Variants in RYR1 observed in about 807,000 individuals in gnomAD.
RYR1 encodes the protein central core disease of muscle.
Under a neutral mutation model 583.5 loss-of-function variants are expected in RYR1, and 342 were observed. The observed-to-expected ratio is 0.59, with a 90% confidence interval of 0.54 to 0.64. RYR1 has a LOEUF of 0.64. Among genes scored for constraint, RYR1 ranks in the 30% least tolerant of loss-of-function variants. The pLI is 0.00. For synonymous variants in RYR1, 2,791 were observed against 2,822.5 expected (o/e 0.99, Z 0.35); for missense variants, 6,032 against 6,917.2 (o/e 0.87, Z 4.54).
chr19:38,552,724 T>C (rs1226932263), intron 89 of RYR1, among the ~76,000 whole-genome samples: 1 of 152,152 alleles, frequency 6.6e-6, no homozygotes, highest in Non-Finnish European at 1.5e-5. Context: ...GTCTAATCGA[T>C]AGTCAGTGAG....
Position 38,496,278 on chromosome 19 carries a change from C to T in RYR1, c.6612C>T (p.His2204=), listed in dbSNP as rs141646642. ...HPNLMRALGM[H]ETVMEVMVNV... Reference sequence around the variant, plus strand: ...ACCTGATGAGGGCGCTGGGCATGCACGAGACGGTCATGGAGGTCATGGTCA... The same window carrying T: ...ACCTGATGAGGGCGCTGGGCATGCATGAGACGGTCATGGAGGTCATGGTCA... The change falls in exon 40 of 106, where the codon CAC becomes CAT. Residue 2204 remains histidine, a synonymous_variant. Coordinates refer to ENST00000359596, the MANE Select transcript of RYR1 (RefSeq NM_000540.3). This position sits in a 1 kb window ranked among gnomAD's most constrained non-coding sequence, Gnocchi z 4.8. 520 of 1,613,982 alleles carry T rather than the reference C, an allele frequency of 3.2e-4. 2 individuals are homozygous for T. In the African/African-American group the frequency reaches 5.4e-3, roughly 17 times the overall value.
At position 38,473,649 on chromosome 19, in the gene RYR1, C is replaced by A. The variant is rs777049924; in HGVS notation, c.4038C>A (p.Asn1346Lys). 210 of 1,556,908 alleles carry A rather than the reference C, an allele frequency of 1.3e-4. No homozygotes were observed. The highest frequency in any genetic ancestry group is 5.0e-4 in the Middle Eastern group (3 of 5,988). Residue 1346 changes from asparagine to lysine, a missense_variant, in exon 28 of 106, where the codon AAC becomes AAA. Transcript: ENST00000359596. ...RSAGGWSEAE[N>K]GKEGTAKEGA... ...CTGGGGGCTGGAGCGAGGCAGAGAA[C>A]GGCAAAGAAGGGACTGCGAAGGAGG...
chr19:38,504,475 A>C, intron 50 of RYR1, 115 bp downstream of exon 50: 4 of 1,362,468 alleles, frequency 2.9e-6, no homozygotes, highest in Non-Finnish European at 4.0e-6. Flanking sequence ...AAGGTTCTGC[A>C]AGTTTGGATC....
Position 38,444,922 on chromosome 19 carries a change from G to C in RYR1, c.631+245G>C, listed in dbSNP as rs1380039001. On this transcript the variant is annotated intron_variant, in intron 7 of 105. Transcript: ENST00000359596. The surrounding 1 kb of genome is among the most constrained non-coding windows in gnomAD (Gnocchi z 5.1). ...AGACCCCAAAGTATTAGCCCCCAAG[G>C]CTCCTAAACTCAGATTCAAATCTTA... Among the ~76,000 whole-genome samples the C allele has an allele frequency of 6.6e-6, 1 of 151,188 alleles. No individual in the cohort carries two copies.
chr19:38,474,410 G>T (rs182064275), intron 28 of RYR1, among the ~76,000 whole-genome samples: 46 of 151,562 alleles, frequency 3.0e-4, no homozygotes, highest in Non-Finnish European at 8.8e-5. Context: ...TTACAGGCAC[G>T]CGCCACCATG....
chr19:38,496,121 A>T lies in RYR1; in HGVS notation c.6549-94A>T. The T allele has an allele frequency of 2.0e-6, 2 of 1,007,800 alleles. No individual in the cohort carries two copies. Among genetic ancestry groups the T allele is most frequent in the Non-Finnish European group, 1.6e-6 (1 of 643,512 alleles). 62.4% of individuals were successfully genotyped at this position (1,007,800 alleles called of 1,614,324 possible). ...AGGCGGTGGTGCTAGGCACAGAGTG[A>T]GAGGGTCAAGAATGCCAACGCTGTC... is the stretch of plus-strand genomic sequence containing the variant. On this transcript the variant is annotated intron_variant, in intron 39 of 105. Coordinates refer to ENST00000359596, the MANE Select transcript of RYR1 (RefSeq NM_000540.3). The surrounding 1 kb of genome is among the most constrained non-coding windows in gnomAD (Gnocchi z 4.8).
In RYR1 at chr19:38,474,405, G is replaced by A. The variant is rs113348609; in HGVS notation, c.4160+634G>A. Among the ~76,000 whole-genome samples, 740 of 151,902 alleles carry A rather than the reference G, an allele frequency of 4.9e-3. 6 individuals carry two copies. The highest frequency in any genetic ancestry group is 0.017 in the African/African-American group (686 of 41,404). On this transcript the variant is annotated intron_variant, in intron 28 of 105. Transcript: ENST00000359596. ...AGCCTCCTGAGTAGCTGGGATTACAGGCACGCGCCACCATGCCCAGCTAAT... is the reference window on the plus strand; with the variant it reads ...AGCCTCCTGAGTAGCTGGGATTACAAGCACGCGCCACCATGCCCAGCTAAT...
At chr19:38,508,205 T>TTTTA (rs925981855) in intron 58 of RYR1, among the ~76,000 whole-genome samples, 1 of 151,942 alleles carries the variant, frequency 6.6e-6, no homozygotes, top group African/African-American at 2.4e-5. Flanking sequence ...TTATTTTTTA[T>TTTTA]TTTATTTATT....
At position 38,561,939 on chromosome 19, in the gene RYR1, G is replaced by C. The variant is rs897431689; in HGVS notation, c.12624+485G>C. On this transcript the variant is annotated intron_variant, in intron 90 of 105. Transcript: ENST00000359596. This position sits in a 1 kb window ranked among gnomAD's most constrained non-coding sequence, Gnocchi z 4.8. ...ACACGCTCGCCTTGGGGGCTCTGGG[G>C]TGCCCTGGCATGCTGACCCACCCTT... Among the ~76,000 whole-genome samples, 3 of 152,096 alleles carry C rather than the reference G, an allele frequency of 2.0e-5. No individual in the cohort carries two copies. The highest frequency in any genetic ancestry group is 7.2e-5 in the African/African-American group (3 of 41,430).
chr19:38,565,282 C>T lies in RYR1; in HGVS notation c.12948C>T (p.Arg4316=), dbSNP rs1973349487. 1 of 1,002,890 alleles carries T rather than the reference C, an allele frequency of 1.0e-6. No individual in the cohort carries two copies. The highest frequency in any genetic ancestry group is 1.2e-6 in the Non-Finnish European group (1 of 843,220). The allele number at this position is 1,002,890 out of a possible 1,614,324, so 62.1% of individuals were successfully genotyped here. A position where few individuals can be genotyped will look rare whatever the true frequency, so the allele number is the denominator to read the frequency against. ...RGLSYRSLRR[R]VRRLRRLTAR... is the part of the protein sequence containing the mutation. The stretch of plus-strand genomic sequence containing the variant: ...TCAGCTACCGCAGCCTGCGGCGGCG[C>T]GTGCGGCGGCTGCGGCGGCTTACGG... The change falls in exon 91 of 106, where the codon CGC becomes CGT. Residue 4316 remains arginine, a synonymous_variant. Coordinates refer to ENST00000359596, the MANE Select transcript of RYR1 (RefSeq NM_000540.3). This position sits in a 1 kb window ranked among gnomAD's most constrained non-coding sequence, Gnocchi z 4.7.
chr19:38,586,742 G>A (rs1334030149), intron 105 of RYR1, among the ~76,000 whole-genome samples, 166 bp downstream of exon 105: 1 of 152,200 alleles, frequency 6.6e-6, no homozygotes, highest in Non-Finnish European at 1.5e-5. Context: ...AGGCCAAGGC[G>A]GGTGGATTAC....
chr19:38,486,548 G>A (rs748883668), intron 34 of RYR1, among the ~76,000 whole-genome samples: 4 of 152,032 alleles, frequency 2.6e-5, no homozygotes, highest in East Asian at 1.9e-4. Context: ...TCACCATGTT[G>A]GCCAGGCTGG....
intron 66 of RYR1, 128 bp downstream of exon 66, chr19:38,517,819 A>G (rs1000882601): frequency 8.0e-6 from 7 of 877,724 alleles, no homozygotes; most frequent in African/African-American, 3.3e-5. Flanking sequence ...TTTTTTCAGC[A>G]TCAAAAGACC....
chr19:38,550,648 T>C (rs1384990489), intron 89 of RYR1, among the ~76,000 whole-genome samples: 1 of 152,130 alleles, frequency 6.6e-6, no homozygotes, highest in Non-Finnish European at 1.5e-5. Flanking sequence ...AGTGCTGGGA[T>C]TACAGGTGTG....
chr19:38,542,102 T>G (rs1372677546), intron 84 of RYR1, among the ~76,000 whole-genome samples: 2 of 146,794 alleles, frequency 1.4e-5, no homozygotes, highest in African/African-American at 5.0e-5. Flanking sequence ...GGCCGGGGAC[T>G]GTTTTTTTTT....
chr19:38,527,041 C>T lies in RYR1; in HGVS notation c.10675C>T (p.Leu3559Phe). The T allele has an allele frequency of 6.2e-7, 1 of 1,613,982 alleles. No homozygotes were observed. The highest frequency in any genetic ancestry group is 8.5e-7 in the Non-Finnish European group (1 of 1,179,898). Residue 3559 changes from leucine to phenylalanine, a missense_variant, in exon 72 of 106, where the codon CTT (leucine) becomes TTT (phenylalanine). Physicochemically the swap from Leu to Phe is conservative, Grantham distance 22. Transcript: ENST00000359596. ...GGAATTTCTGCACAACAACCTTCAC[C>T]TTCAGGGAAAGGTATGCCTCCTTCC... ...VREFLHNNLH[L>F]QGKVEGSPSL...
rs765241115 is a variant in RYR1 at position 38,464,723 on chromosome 19, G to A, written c.2870+1G>A. The A allele has an allele frequency of 7.6e-6, 12 of 1,577,268 alleles. No individual in the cohort carries two copies. The highest frequency in any genetic ancestry group is 1.0e-5 in the Non-Finnish European group (12 of 1,161,256). The stretch of plus-strand genomic sequence containing the variant: ...TGAAGAAGACAAAACTCCCCAAGAC[G>A]TGAGTGTGGGCAGCCAGGTCCCGTC... On this transcript the variant is annotated splice_donor_variant, in intron 23 of 105. Transcript: ENST00000359596. LOFTEE classifies it high-confidence loss of function.
chr19:38,433,755 C>CCA lies in RYR1; in HGVS notation c.-75_-74insCA. ...GAGGTCTCCGACCCCAGCCCGCCCC[C>CCA]AGCCCTCCCGCCCAGCCCGCAGCCC... On this transcript the variant is annotated 5_prime_UTR_variant, in exon 1 of 106. Coordinates refer to ENST00000359596, the MANE Select transcript of RYR1 (RefSeq NM_000540.3). 7.0e-6 allele frequency: 5 copies of CCA among 709,490 alleles called. No homozygotes were observed. The highest frequency in any genetic ancestry group is 1.9e-5 in the Admixed American group (1 of 53,852). The allele number at this position is 709,490 out of a possible 1,614,324, so 43.9% of individuals were successfully genotyped here. A position where few individuals can be genotyped will look rare whatever the true frequency, so the allele number is the denominator to read the frequency against.
At position 38,565,530 on chromosome 19, in the gene RYR1, C is replaced by A; in HGVS notation, c.13196C>A (p.Pro4399Gln). Residue 4399 changes from proline to glutamine, a missense_variant, in exon 91 of 106, where the codon CCG (proline) becomes CAG (glutamine). Transcript: ENST00000359596. The surrounding 1 kb of genome is among the most constrained non-coding windows in gnomAD (Gnocchi z 4.7). ...GTGCACGGCGAGCAGCCGGCCGGGC[C>A]GGGCGGAGACGCAGACGGCGAGGGT... ...DEVHGEQPAG[P>Q]GGDADGEGAS... is the part of the protein sequence containing the mutation. The A allele has an allele frequency of 6.7e-7, 1 of 1,502,730 alleles. No individual in the cohort carries two copies. Among genetic ancestry groups the A allele is most frequent in the Non-Finnish European group, 8.8e-7 (1 of 1,133,308 alleles). The allele number at this position is 1,502,730 out of a possible 1,614,324, so 93.1% of individuals were successfully genotyped here.
Sources: allele counts gnomAD v4.1 joint callset (sites outside exome capture counted in the v4.1 genomes callset), GRCh38; gene constraint gnomAD v4.1.1; non-coding constraint Gnocchi (gnomAD v3.1); transcripts MANE v1.5; gene names NCBI Gene and HGNC (gene_info 2026-07-23, HGNC 2026-07-21).